PDE4D: variants seen among roughly 807,000 people sequenced by gnomAD.
PDE4D encodes phosphodiesterase 4D.
PDE4D carries 24 observed loss-of-function variants against 87.4 expected under a neutral mutation model. That is an observed-to-expected ratio of 0.27 (90% CI 0.20 to 0.39). The LOEUF (loss-of-function observed/expected upper bound fraction) is 0.39, where lower values mean the gene tolerates loss of function less well. PDE4D is among the 10% of genes least tolerant of loss of function. The pLI, the probability that PDE4D is intolerant of heterozygous loss-of-function variation, is 1.00. For synonymous variants in PDE4D, 384 were observed against 383.2 expected, an observed-to-expected ratio of 1.00 and a Z score of -0.02; for missense variants, 714 against 1,041.0, an observed-to-expected ratio of 0.69 and a Z score of 4.32.
chr5:60,339,534 G>T (rs1758124492), intron 1 of PDE4D, among the ~76,000 whole-genome samples: 1 of 152,170 alleles, frequency 6.6e-6, no homozygotes, highest in Admixed American at 6.5e-5. Flanking sequence ...TTCGGACACG[G>T]TTGACTGCAG....
intron 1 of PDE4D, among the ~76,000 whole-genome samples, chr5:60,257,603 G>T (rs2149696714): frequency 6.6e-6 from 1 of 152,094 alleles, no homozygotes; most frequent in Non-Finnish European, 1.5e-5. Context: ...AGACTGCAGA[G>T]ATCTTATATT....
chr5:60,339,431 G>A (rs926863873), intron 1 of PDE4D, among the ~76,000 whole-genome samples: 2 of 152,100 alleles, frequency 1.3e-5, no homozygotes, highest in African/African-American at 4.8e-5. Context: ...CACACCCCAG[G>A]CAGGATGGCA....
intron 1 of PDE4D, among the ~76,000 whole-genome samples, chr5:60,398,998 C>T (rs1763088331): frequency 6.6e-6 from 1 of 152,182 alleles, no homozygotes; most frequent in African/African-American, 2.4e-5. Context: ...CCAAAATTAA[C>T]ATTTTAGGTC....
At chr5:60,507,642 C>T (rs1750382018) in intron 1 of PDE4D, among the ~76,000 whole-genome samples, 1 of 151,854 alleles carries the variant, frequency 6.6e-6, no homozygotes. Flanking sequence ...TGAGCATTTT[C>T]TTTATTTAAA....
chr5:60,229,690 G>C (rs1696648431), intron 1 of PDE4D, among the ~76,000 whole-genome samples: 1 of 152,066 alleles, frequency 6.6e-6, no homozygotes, highest in South Asian at 2.1e-4. Context: ...TCATGTCCTA[G>C]ATTCTGGCCC....
chr5:60,484,228 A>C (rs910368054), intron 1 of PDE4D, among the ~76,000 whole-genome samples: 1 of 152,096 alleles, frequency 6.6e-6, no homozygotes, highest in East Asian at 1.9e-4. Context: ...GTCAGTCTAA[A>C]TTTCCTAACC....
intron 1 of PDE4D, among the ~76,000 whole-genome samples, chr5:59,866,543 GA>G (rs1444829989): frequency 6.6e-6 from 1 of 152,146 alleles, no homozygotes; most frequent in Non-Finnish European, 1.5e-5. Flanking sequence ...TAGCACTCCG[GA>G]AGGCTGGGGC....
chr5:60,406,120 CA>C (rs1741509252), intron 1 of PDE4D, among the ~76,000 whole-genome samples: 1 of 151,944 alleles, frequency 6.6e-6, no homozygotes, highest in African/African-American at 2.4e-5. Context: ...CCTGCTAAAT[CA>C]AAACAACAAT....
At chr5:60,503,168 A>C (rs1750172709) in intron 1 of PDE4D, among the ~76,000 whole-genome samples, 1 of 152,218 alleles carries the variant, frequency 6.6e-6, no homozygotes, top group Non-Finnish European at 1.5e-5. Context: ...ACGAATAAAA[A>C]TGGAAGAGAA....
Position 59,683,615 on chromosome 5 carries a change from G to A in PDE4D, c.455+209553C>T, listed in dbSNP as rs545446631. ...ACTGTACAGAAAGTAAATATATATC[G>A]AGCAGAAAATAGCTATTCGTGACAA... On this transcript the variant is annotated intron_variant, in intron 1 of 14. Coordinates refer to ENST00000340635, the MANE Select transcript of PDE4D (RefSeq NM_001104631.2). Among the ~76,000 whole-genome samples the A allele has an allele frequency of 5.9e-5, 9 of 151,956 alleles. No individual in the cohort carries two copies. In the East Asian group the frequency reaches 1.2e-3, roughly 20 times the overall value.
At chr5:60,277,412 G>A (rs1434819589) in intron 1 of PDE4D, among the ~76,000 whole-genome samples, 1 of 152,096 alleles carries the variant, frequency 6.6e-6, no homozygotes, top group African/African-American at 2.4e-5. Flanking sequence ...TAAGGCTGCA[G>A]AATACACAAC....
At chr5:60,072,912 A>G (rs941749817) in intron 2 of PDE4D, among the ~76,000 whole-genome samples, 4 of 152,054 alleles carry the variant, frequency 2.6e-5, no homozygotes, top group Non-Finnish European at 5.9e-5. Flanking sequence ...GAATAGTTTG[A>G]AATCAGGTAG....
chr5:60,039,605 T>TA (rs544827886), intron 2 of PDE4D, among the ~76,000 whole-genome samples: 4 of 150,882 alleles, frequency 2.7e-5, no homozygotes, highest in African/African-American at 9.7e-5. Context: ...AGAAAAAAAA[T>TA]AAAAAAAATA....
intron 1 of PDE4D, among the ~76,000 whole-genome samples, chr5:59,707,286 A>G (rs1753565335): frequency 6.6e-6 from 1 of 152,168 alleles, no homozygotes; most frequent in African/African-American, 2.4e-5. Flanking sequence ...AAATTCTTTA[A>G]TGCAACAAAC....
intron 1 of PDE4D, among the ~76,000 whole-genome samples, chr5:59,434,942 T>A (rs1221157295): frequency 1.3e-5 from 2 of 152,006 alleles, no homozygotes; most frequent in Non-Finnish European, 2.9e-5. Flanking sequence ...AAAATATGAG[T>A]TGGGCCCTAT....
intron 1 of PDE4D, among the ~76,000 whole-genome samples, chr5:60,235,945 G>A (rs1261823857): frequency 6.6e-6 from 1 of 151,858 alleles, no homozygotes; most frequent in Non-Finnish European, 1.5e-5. Context: ...CACAAATACA[G>A]CCAATTTATT....
chr5:60,375,970 C>T lies in PDE4D; in HGVS notation c.-90+111972G>A, dbSNP rs552383530. ...AGGAGAATCACTTGAACCTGGGAGG[C>T]GGAGGTTGCAGTGAGCTGAGATCGC... is the stretch of plus-strand genomic sequence containing the variant. On this transcript the variant is annotated intron_variant, in intron 1 of 16. Coordinates refer to the PDE4D transcript ENST00000502484. 1.7e-3 allele frequency among the ~76,000 whole-genome samples: 263 copies of T among 152,148 alleles called. 1 individual carries two copies. Among genetic ancestry groups the T allele is most frequent in the African/African-American group, 6.1e-3 (254 of 41,496 alleles).
At chr5:59,022,262 G>C (rs531713456) in intron 6 of PDE4D, among the ~76,000 whole-genome samples, 1 of 152,178 alleles carries the variant, frequency 6.6e-6, no homozygotes, top group Non-Finnish European at 1.5e-5. Context: ...GCGGTGGAAA[G>C]GGGCAGCAAC....
intron 1 of PDE4D, among the ~76,000 whole-genome samples, chr5:59,382,355 C>A (rs1562071928): frequency 6.6e-6 from 1 of 151,994 alleles, no homozygotes; most frequent in Non-Finnish European, 1.5e-5. Flanking sequence ...AAATAAAATT[C>A]AGAAAAAAGT....
Sources: allele counts gnomAD v4.1 joint callset (sites outside exome capture counted in the v4.1 genomes callset), GRCh38; gene constraint gnomAD v4.1.1; transcripts MANE v1.5; gene names NCBI Gene and HGNC (gene_info 2026-07-23, HGNC 2026-07-21).